Variants in ARHGAP32 observed in about 807,000 individuals in gnomAD.
ARHGAP32 encodes Rho GTPase activating protein 32.
Under a neutral mutation model 186.5 loss-of-function variants are expected in ARHGAP32, and 51 were observed. The ratio of observed to expected loss-of-function variants is 0.27; its 90% CI spans 0.22 to 0.35. ARHGAP32 has a LOEUF of 0.35. Among genes scored for constraint, ARHGAP32 ranks in the 10% least tolerant of loss-of-function variants. The pLI, the probability that ARHGAP32 is intolerant of heterozygous loss-of-function variation, is 1.00. For synonymous variants in ARHGAP32, 950 were observed against 964.3 expected, an observed-to-expected ratio of 0.99 and a Z score of 0.27; for missense variants, 2,186 against 2,623.5, an observed-to-expected ratio of 0.83 and a Z score of 3.64.
rs770519598 is a variant in ARHGAP32 at position 128,969,988 on chromosome 11, C to A, written c.5225G>T (p.Ser1742Ile). ...YFSPNDHNVV[S>I]MPPAADVKHT... The stretch of plus-strand genomic sequence containing the variant: ...CTTCACATCAGCAGCCGGAGGCATG[C>A]TGACTACATTATGGTCGTTGGGAGA... The change falls in exon 23 of 23, where the codon AGC (serine) becomes ATC (isoleucine). Residue 1742 changes from serine to isoleucine, a missense_variant. By Grantham distance (142) the Ser-to-Ile change is moderately radical. Around this residue, in one of 5 missense-constraint regions of ARHGAP32, gnomAD observed 1,502 missense variants for 1,570.0 expected, o/e 0.96. Coordinates refer to ENST00000682385, the MANE Select transcript of ARHGAP32 (RefSeq NM_001378024.1). This position sits in a 1 kb window ranked among gnomAD's most constrained non-coding sequence, Gnocchi z 4.8. The A allele has an allele frequency of 6.2e-6, 10 of 1,614,216 alleles. No individual in the cohort carries two copies. In the East Asian group the frequency reaches 2.2e-4, roughly 36 times the overall value.
intron 5 of ARHGAP32, among the ~76,000 whole-genome samples, chr11:129,122,856 C>T (rs1401604785): frequency 6.6e-6 from 1 of 151,722 alleles, no homozygotes; most frequent in Non-Finnish European, 1.5e-5. Flanking sequence ...GCTTTTGTTC[C>T]CCTGGGGAAA....
intron 15 of ARHGAP32, among the ~76,000 whole-genome samples, chr11:128,982,473 C>CTG (rs1390997159): frequency 1.2e-5 from 1 of 84,494 alleles, no homozygotes; most frequent in Non-Finnish European, 2.9e-5. Context: ...CAGGTAAGTG[C>CTG]CGTGTGTGTG....
chr11:128,970,478 C>G lies in ARHGAP32; in HGVS notation c.4735G>C (p.Val1579Leu). 7 of 1,614,130 alleles carry G rather than the reference C, an allele frequency of 4.3e-6. No individual in the cohort carries two copies. Among genetic ancestry groups the G allele is most frequent in the Non-Finnish European group, 5.1e-6 (6 of 1,180,022 alleles). The change falls in exon 23 of 23, where the codon GTC becomes CTC. Residue 1579 changes from valine (V) to leucine (L), a missense_variant. Transcript: ENST00000682385. The surrounding 1 kb of genome is among the most constrained non-coding windows in gnomAD (Gnocchi z 5.8). ...TCTTCGGGGTAACAGGTATTCCTGA[C>G]AGAGGAGCTCAAAGAAGACACATAC... ...VEYVSSLSSS[V>L]RNTCYPEDIP...
chr11:129,095,460 C>A (rs989211958), intron 5 of ARHGAP32, among the ~76,000 whole-genome samples: 1 of 152,194 alleles, frequency 6.6e-6, no homozygotes, highest in African/African-American at 2.4e-5. Flanking sequence ...CACAGGTACT[C>A]ACCAGGGATA....
chr11:128,980,425 G>A, intron 18 of ARHGAP32, 128 bp downstream of exon 18: 1 of 632,230 alleles, frequency 1.6e-6, no homozygotes, highest in Middle Eastern at 4.5e-4. Context: ...GAATAAACAG[G>A]TTTCTCTGGG....
At chr11:129,238,973 T>G (rs1243307326) in intron 1 of ARHGAP32, among the ~76,000 whole-genome samples, 1 of 152,126 alleles carries the variant, frequency 6.6e-6, no homozygotes, top group Non-Finnish European at 1.5e-5. Flanking sequence ...TAGCTGGGAC[T>G]ACAGGCACAT....
At chr11:129,066,543 A>G (rs1353776947) in intron 7 of ARHGAP32, among the ~76,000 whole-genome samples, 188 bp downstream of exon 7, 2 of 152,080 alleles carry the variant, frequency 1.3e-5, no homozygotes, top group Non-Finnish European at 2.9e-5. Context: ...TTATAAAATT[A>G]CACACTGAAC....
intron 11 of ARHGAP32, among the ~76,000 whole-genome samples, chr11:129,000,766 C>A (rs765297770): frequency 2.0e-5 from 3 of 152,100 alleles, no homozygotes; most frequent in Admixed American, 6.6e-5. Flanking sequence ...CCCACCCCCC[C>A]ACCATTGGCT....
rs771862535 is a variant in ARHGAP32 at position 129,062,322 on chromosome 11, C to G, written c.921G>C (p.Pro307=). The change falls in exon 10 of 23, where the codon CCG becomes CCC. Residue 307 remains proline, a synonymous_variant. Coordinates refer to ENST00000682385, the MANE Select transcript of ARHGAP32 (RefSeq NM_001378024.1). ...CTCTCCACCATGTGCTTAACACTTT[C>G]GGGGGCATGTCAATAACAGAAACAA... ...GDIVSVIDMP[P]KVLSTWWRGK... is the part of the protein sequence containing the mutation. 3.7e-6 allele frequency: 6 copies of G among 1,613,610 alleles called. No individual in the cohort carries two copies. Among genetic ancestry groups the G allele is most frequent in the Non-Finnish European group, 5.1e-6 (6 of 1,179,672 alleles).
intron 7 of ARHGAP32, 52 bp downstream of exon 7, chr11:129,066,679 T>C (rs1277522189): frequency 6.5e-7 from 1 of 1,533,968 alleles, no homozygotes; most frequent in Non-Finnish European, 8.8e-7. Flanking sequence ...CAAAAACTTC[T>C]GCAAACTCAT....
chr11:129,164,709 A>G (rs1489414971), intron 1 of ARHGAP32, among the ~76,000 whole-genome samples: 2 of 152,194 alleles, frequency 1.3e-5, no homozygotes, highest in African/African-American at 4.8e-5. Context: ...TATCAGTTCA[A>G]CACAATTTGA....
intron 1 of ARHGAP32, among the ~76,000 whole-genome samples, chr11:129,198,855 A>G (rs903820167): frequency 3.3e-5 from 5 of 152,198 alleles, no homozygotes; most frequent in African/African-American, 1.2e-4. Flanking sequence ...AAGAAAGAAA[A>G]ATGTGGGAAA....
chr11:129,193,724 T>TA (rs1944348821), upstream of ARHGAP32, among the ~76,000 whole-genome samples: 1 of 76,378 alleles, frequency 1.3e-5, no homozygotes, highest in Non-Finnish European at 2.5e-5. Flanking sequence ...ATATTATATA[T>TA]TATATATAAT....
chr11:129,203,400 T>A (rs952291446), intron 1 of ARHGAP32, among the ~76,000 whole-genome samples: 2 of 152,056 alleles, frequency 1.3e-5, no homozygotes, highest in Admixed American at 1.3e-4. Context: ...AAGTAACACA[T>A]GAATAAAACA....
upstream of ARHGAP32, among the ~76,000 whole-genome samples, chr11:129,194,471 T>C (rs917237714): frequency 3.3e-5 from 5 of 152,104 alleles, no homozygotes; most frequent in African/African-American, 1.2e-4. Context: ...AGGAATACTG[T>C]TAAGGCAAAG....
rs189179451 is a variant in ARHGAP32 at position 129,160,408 on chromosome 11, A to G, written c.225+3911T>C. Among the ~76,000 whole-genome samples, 403 of 152,336 alleles carry G rather than the reference A, an allele frequency of 2.6e-3. 4 individuals carry two copies. The highest frequency in any genetic ancestry group is 9.2e-3 in the African/African-American group (384 of 41,568). ...TGATCAGCAACTTCAGCAAAGTCTC[A>G]GGATACAAAATTAATGTGCAAAAAT... On this transcript the variant is annotated intron_variant, in intron 2 of 22. Transcript: ENST00000682385.
intron 1 of ARHGAP32, among the ~76,000 whole-genome samples, chr11:129,278,815 A>G (rs571998985): frequency 6.6e-6 from 1 of 151,186 alleles, no homozygotes; most frequent in Admixed American, 6.6e-5. Flanking sequence ...GGCCGCTCCC[A>G]GGAGTCGCGG....
Position 129,104,620 on chromosome 11 carries a change from G to A in ARHGAP32, c.445-10913C>T, listed in dbSNP as rs558646226. 3.8e-4 allele frequency among the ~76,000 whole-genome samples: 57 copies of A among 151,472 alleles called. 2 individuals carry two copies. In the South Asian group the frequency reaches 0.012, roughly 31 times the overall value. Reference sequence around the variant, plus strand: ...TAATCTCTCTAGGAAGAAATGGGGAGGAAGGCATAAGGAGAGAGAACATTT... The same window carrying A: ...TAATCTCTCTAGGAAGAAATGGGGAAGAAGGCATAAGGAGAGAGAACATTT... On this transcript the variant is annotated intron_variant, in intron 5 of 22. Coordinates refer to ENST00000682385, the MANE Select transcript of ARHGAP32 (RefSeq NM_001378024.1).
intron 2 of ARHGAP32, among the ~76,000 whole-genome samples, chr11:129,145,442 G>A (rs1943148894): frequency 7.5e-6 from 1 of 132,470 alleles, no homozygotes; most frequent in Admixed American, 7.4e-5. Context: ...GGAAGAAATA[G>A]CAAGATCCTA....
Sources: gnomAD v4.1 joint callset for allele counts (sites outside exome capture counted in the v4.1 genomes callset) on GRCh38, gnomAD v4.1.1 for gene constraint, gnomAD v4.1.1 regional missense constraint, Gnocchi (gnomAD v3.1) non-coding constraint, MANE v1.5 for transcripts, NCBI Gene and HGNC (gene_info 2026-07-23, HGNC 2026-07-21) for gene names.